The following MRE11 variants were observed in gnomAD, a reference collection of about 807,000 sequenced individuals.
The protein encoded by MRE11 is MRE11 double strand break repair nuclease.
A neutral mutation model predicts 91.7 loss-of-function variants in MRE11; 62 were observed. That is an observed-to-expected ratio of 0.68 (90% CI 0.55 to 0.84). The LOEUF (loss-of-function observed/expected upper bound fraction) is 0.84, where lower values mean the gene tolerates loss of function less well. MRE11 is among the 40% of genes least tolerant of loss of function. MRE11 has a pLI of 0.00. For missense variants in MRE11, 796 were observed against 852.9 expected (o/e 0.93, Z 0.83); for synonymous variants, 273 against 271.4 (o/e 1.01, Z -0.06).
intron 9 of MRE11, among the ~76,000 whole-genome samples, chr11:94,469,429 C>G (rs192649285): frequency 6.6e-6 from 1 of 152,180 alleles, no homozygotes. Context: ...GTTGAAAAAC[C>G]CAGGTCTGAC....
intron 8 of MRE11, among the ~76,000 whole-genome samples, chr11:94,471,352 C>CA (rs1946704285): frequency 6.6e-6 from 1 of 151,910 alleles, no homozygotes; most frequent in Non-Finnish European, 1.5e-5. Flanking sequence ...GCCTAATGAG[C>CA]AGCAAAATAA....
rs775670175 is a variant in MRE11, at chr11:94,464,155, T to C, written c.1183A>G (p.Ile395Val). 8.1e-6 allele frequency: 13 copies of C among 1,613,918 alleles called. No homozygotes were observed. The highest frequency in any genetic ancestry group is 7.6e-6 in the Non-Finnish European group (9 of 1,179,926). ...TCTCTATGCCTGAAAAAATGGATAA[T>C]GTCTTTTGGATTAGCTACCCGATCC... ...FVDRVANPKD[I>V]IHFFRHREQK... is the part of the protein sequence containing the mutation. Residue 395 changes from isoleucine to valine, a missense_variant, in exon 11 of 20, where the codon ATT becomes GTT. Coordinates refer to ENST00000323929, the MANE Select transcript of MRE11 (RefSeq NM_005591.4).
the MRE11 span, among the ~76,000 whole-genome samples, chr11:94,501,203 T>C: frequency 6.6e-6 from 1 of 152,200 alleles, no homozygotes; most frequent in Admixed American, 6.5e-5. Context: ...ATGTTTTAAA[T>C]TCCTGGAAAT....
chr11:94,495,571 GGGAATTCGT>G (rs1565245661), upstream of MRE11, among the ~76,000 whole-genome samples: 4 of 152,114 alleles, frequency 2.6e-5, no homozygotes, highest in African/African-American at 9.7e-5. Context: ...TTGAGAGGCT[GGGAATTCGT>G]ATTTGTAAAT....
At chr11:94,440,204 C>A (rs1453301637) in intron 16 of MRE11, among the ~76,000 whole-genome samples, 1 of 152,164 alleles carries the variant, frequency 6.6e-6, no homozygotes, top group Non-Finnish European at 1.5e-5. Flanking sequence ...TACATAGCCT[C>A]TTTTCATAGA....
intron 18 of MRE11, among the ~76,000 whole-genome samples, chr11:94,430,971 T>C (rs1024152672): frequency 6.6e-6 from 1 of 152,200 alleles, no homozygotes; most frequent in Non-Finnish European, 1.5e-5. Flanking sequence ...TCTACCTACA[T>C]AATATCCCCG....
chr11:94,442,880 C>T (rs1945822685), intron 16 of MRE11, among the ~76,000 whole-genome samples: 1 of 152,148 alleles, frequency 6.6e-6, no homozygotes, highest in Non-Finnish European at 1.5e-5. Context: ...TTCTTCCTCT[C>T]TGCTTTTATA....
At chr11:94,445,143 G>A (rs547438704) in intron 16 of MRE11, among the ~76,000 whole-genome samples, 30 of 152,288 alleles carry the variant, frequency 2.0e-4, no homozygotes, top group Non-Finnish European at 3.8e-4. Context: ...AGCAGAGACT[G>A]ACAGGGCAGT....
At chr11:94,438,756 A>G (rs1028383710) in intron 16 of MRE11, among the ~76,000 whole-genome samples, 2 of 152,206 alleles carry the variant, frequency 1.3e-5, no homozygotes, top group African/African-American at 4.8e-5. Context: ...ATTTTGACTT[A>G]CTAGCTTGAC....
intron 14 of MRE11, among the ~76,000 whole-genome samples, chr11:94,448,029 A>C (rs1945988848): frequency 6.6e-6 from 1 of 152,102 alleles, no homozygotes; most frequent in Non-Finnish European, 1.5e-5. Context: ...AATACTGGCA[A>C]TCATCCCTAA....
intron 19 of MRE11, among the ~76,000 whole-genome samples, chr11:94,425,897 C>T (rs563736223): frequency 3.9e-5 from 6 of 152,278 alleles, no homozygotes; most frequent in South Asian, 4.2e-4. Context: ...GGCTTCAACA[C>T]CCCACTGACA....
intron 16 of MRE11, 175 bp downstream of exon 16, chr11:94,445,635 C>A: frequency 1.7e-6 from 1 of 602,190 alleles, no homozygotes; most frequent in South Asian, 1.9e-5. Flanking sequence ...AAAGCTTACC[C>A]TCTTCAGTAA....
In MRE11 at chr11:94,423,368, GCAGGGGGATTGGCCCAAA is replaced by G. The variant is rs572229165; in HGVS notation, c.2071-3205_2071-3188del. ...ATGCCCCCTGGAGACGTTTCAACTG[GCAGGGGGATTGGCCCAAA>G]CAGTAGGCAGAGACAGAGCTCCAGA... On this transcript the variant is annotated intron_variant, in intron 19 of 19. Transcript: ENST00000323929. Among the ~76,000 whole-genome samples, 58 of 152,324 alleles carry G rather than the reference GCAGGGGGATTGGCCCAAA, an allele frequency of 3.8e-4. 2 individuals are homozygous for G. The Middle Eastern group carries it at 0.01, about 27-fold the overall frequency.
the MRE11 span, among the ~76,000 whole-genome samples, chr11:94,504,045 T>C: frequency 6.6e-6 from 1 of 152,300 alleles, no homozygotes; most frequent in East Asian, 1.9e-4. Context: ...GGAAAAAACA[T>C]GAACTCATTT....
chr11:94,492,914 C>T lies in MRE11; in HGVS notation c.-105-8G>A. 1 of 970,968 alleles carries T rather than the reference C, an allele frequency of 1.0e-6. No individual in the cohort carries two copies. The allele number at this position is 970,968 out of a possible 1,614,324, so 60.1% of individuals were successfully genotyped here. ...TTCCAAATTCTAGAAATTCTAAAAA[C>T]AAAATTACATCATAAAACACATTTT... On this transcript the variant is annotated splice_region_variant and splice_polypyrimidine_tract_variant and intron_variant, in intron 1 of 19. Transcript: ENST00000323929.
At chr11:94,511,202 T>G in the MRE11 span, among the ~76,000 whole-genome samples, 1 of 152,018 alleles carries the variant, frequency 6.6e-6, no homozygotes, top group Non-Finnish European at 1.5e-5. Context: ...TAGATAGATA[T>G]AGATAGATAT....
At chr11:94,467,785 A>C (rs1946603890) in intron 10 of MRE11, 28 bp downstream of exon 10, 1 of 1,547,864 alleles carries the variant, frequency 6.5e-7, no homozygotes, top group African/African-American at 1.4e-5. Flanking sequence ...AAAATTAATA[A>C]TATTCAATCT....
chr11:94,479,789 T>C (rs1295431375), intron 4 of MRE11, 28 bp from the exon 5 acceptor site: 1 of 1,572,718 alleles, frequency 6.4e-7, no homozygotes, highest in Admixed American at 1.7e-5. Context: ...ACTTAAAATT[T>C]CCATACGGGA....
intron 19 of MRE11, among the ~76,000 whole-genome samples, chr11:94,421,290 T>C (rs1001730810): frequency 6.6e-6 from 1 of 152,250 alleles, no homozygotes; most frequent in African/African-American, 2.4e-5. Context: ...AATTATTTGA[T>C]GCTAGGCTTT....
Sources: allele counts gnomAD v4.1 joint callset (sites outside exome capture counted in the v4.1 genomes callset), GRCh38; gene constraint gnomAD v4.1.1; transcripts MANE v1.5; gene names NCBI Gene and HGNC (gene_info 2026-07-23, HGNC 2026-07-21).